The following PTP4A1 variants were observed in gnomAD, a reference collection of about 807,000 sequenced individuals.
The protein encoded by PTP4A1 is protein tyrosine phosphatase 4A1.
In PTP4A1, 9 loss-of-function variants were observed where a neutral mutation model predicts 20.5. That is an observed-to-expected ratio of 0.44 (90% confidence interval 0.26 to 0.77). The LOEUF (loss-of-function observed/expected upper bound fraction) is 0.77. PTP4A1 is among the 30% of genes least tolerant of loss of function. The pLI is 0.19. For missense variants in PTP4A1, 137 were observed against 218.8 expected (o/e 0.63, Z 2.36); for synonymous variants, 78 against 67.4 (o/e 1.16, Z -0.77).
intron 2 of PTP4A1, among the ~76,000 whole-genome samples, chr6:63,547,733 G>A (rs1282693494): frequency 1.4e-5 from 2 of 145,098 alleles, no homozygotes; most frequent in African/African-American, 5.1e-5. Context: ...GGATGGTCTC[G>A]ATCTCCTGAC....
In PTP4A1 at chr6:63,581,067, TC is replaced by T. The variant is rs1318433197; in HGVS notation, c.*895del. 2 of 152,164 alleles carry T rather than the reference TC, an allele frequency of 1.3e-5. No individual in the cohort carries two copies. The highest frequency in any genetic ancestry group is 4.8e-5 in the African/African-American group (2 of 41,428). The allele number at this position is 152,164 out of a possible 1,614,324, so 9.4% of individuals were successfully genotyped here. A position where few individuals can be genotyped will look rare whatever the true frequency, so the allele number is the denominator to read the frequency against. ...TGCTTTGTTATTGTAATCATAAACTTCCTGAAATTCTTGTAATTTTTTTCCC... is the reference window on the plus strand; with the variant it reads ...TGCTTTGTTATTGTAATCATAAACTTCTGAAATTCTTGTAATTTTTTTCCC... On this transcript the variant is annotated 3_prime_UTR_variant, in exon 6 of 6. Transcript: ENST00000626021.
intron 3 of PTP4A1, among the ~76,000 whole-genome samples, chr6:63,565,993 C>T (rs1777174880): frequency 6.6e-6 from 1 of 152,218 alleles, no homozygotes; most frequent in East Asian, 1.9e-4. Context: ...CACAATAAAA[C>T]AGGTATTACA....
At chr6:63,524,931 A>AT (rs1226741852) in intron 1 of PTP4A1, among the ~76,000 whole-genome samples, 2 of 152,224 alleles carry the variant, frequency 1.3e-5, no homozygotes, top group African/African-American at 2.4e-5. Flanking sequence ...TCATATAAGC[A>AT]TTTTTTATGA....
At chr6:63,529,163 GTA>G (rs67954410) in intron 2 of PTP4A1, among the ~76,000 whole-genome samples, 63,066 of 136,912 alleles carry the variant, frequency 0.46, 15,554 homozygotes, top group African/African-American at 0.54. Context: ...ATATATGTGT[GTA>G]TATATATATA....
chr6:63,570,121 T>C (rs187908492), upstream of PTP4A1, among the ~76,000 whole-genome samples: 93 of 152,318 alleles, frequency 6.1e-4, no homozygotes, highest in Non-Finnish European at 1.2e-3. Context: ...GGCAGATCTC[T>C]TGAGGTCAGG....
chr6:63,579,478 T>C (rs1404941020), intron 5 of PTP4A1, 147 bp downstream of exon 5: 1 of 565,670 alleles, frequency 1.8e-6, no homozygotes, highest in African/African-American at 2.0e-5. Flanking sequence ...TTACATTCTT[T>C]TTTGCATTTC....
At chr6:63,541,876 G>A (rs868707886) in intron 2 of PTP4A1, among the ~76,000 whole-genome samples, 1 of 152,044 alleles carries the variant, frequency 6.6e-6, no homozygotes, top group African/African-American at 2.4e-5. Flanking sequence ...TCTGTACTAT[G>A]TCATTTCCAT....
upstream of PTP4A1, among the ~76,000 whole-genome samples, chr6:63,569,666 G>A (rs2627797): frequency 0.048 from 7,253 of 152,304 alleles, 410 homozygotes; most frequent in African/African-American, 0.14. Flanking sequence ...TGAGGTTAAG[G>A]ACACATGTTT....
chr6:63,544,257 C>T (rs1776096418), intron 2 of PTP4A1, among the ~76,000 whole-genome samples: 1 of 152,154 alleles, frequency 6.6e-6, no homozygotes, highest in African/African-American at 2.4e-5. Flanking sequence ...AGAATTCCTG[C>T]CTATTTTCAC....
intron 1 of PTP4A1, among the ~76,000 whole-genome samples, chr6:63,525,966 T>C (rs1197904): frequency 0.49 from 73,712 of 151,938 alleles, 18,449 homozygotes; most frequent in African/African-American, 0.6. Flanking sequence ...TGTTTAAACC[T>C]TCTTTCGGTA....
upstream of PTP4A1, chr6:63,572,310 C>CA (rs1777481106): frequency 4.4e-6 from 1 of 227,378 alleles, no homozygotes. Flanking sequence ...GGCGCTTAGC[C>CA]ATTCATCAAC....
In PTP4A1 at chr6:63,578,977, G is replaced by A. The variant is rs773307144; in HGVS notation, c.278G>A (p.Arg93His). Residue 93 changes from arginine to histidine, a missense_variant, in exon 4 of 6, where the codon CGT becomes CAT. By Grantham distance (29) the Arg-to-His change is conservative. Coordinates refer to ENST00000626021, the MANE Select transcript of PTP4A1 (RefSeq NM_003463.5). The part of the protein sequence containing the change: ...DWLSLVKIKF[R>H]EEPGCCIAVH... ...TTAAGTCTTGTGAAAATTAAGTTTC[G>A]TGAAGAACCTGGTTGTTGTATTGCT... 9.3e-6 allele frequency: 15 copies of A among 1,607,604 alleles called. No homozygotes were observed. In the East Asian group the frequency reaches 1.3e-4, roughly 14 times the overall value.
At chr6:63,539,512 T>C (rs1438886090) in intron 2 of PTP4A1, among the ~76,000 whole-genome samples, 2 of 152,160 alleles carry the variant, frequency 1.3e-5, no homozygotes, top group African/African-American at 4.8e-5. Flanking sequence ...GTGTGTTGGC[T>C]CACTCCTGTA....
chr6:63,552,816 G>C (rs1006695607), intron 3 of PTP4A1, among the ~76,000 whole-genome samples: 2 of 152,038 alleles, frequency 1.3e-5, no homozygotes, highest in Non-Finnish European at 1.5e-5. Flanking sequence ...TCTTGTTTTT[G>C]TCAGGTTTGT....
In PTP4A1 at chr6:63,563,563, A is replaced by G. The variant is rs570246783; in HGVS notation, c.-445-12873A>G. Among the ~76,000 whole-genome samples, 7 of 152,342 alleles carry G rather than the reference A, an allele frequency of 4.6e-5. No individual in the cohort carries two copies. In the East Asian group the frequency reaches 1.3e-3, roughly 29 times the overall value. On this transcript the variant is annotated intron_variant, in intron 3 of 3. Transcript: ENST00000639568. Reference sequence around the variant, plus strand: ...ACCTCCTTCACAGCACAGATTATAAATATATTCTATGCTTATTTACTTGTT... The same window carrying G: ...ACCTCCTTCACAGCACAGATTATAAGTATATTCTATGCTTATTTACTTGTT...
chr6:63,569,212 C>T (rs774811240), upstream of PTP4A1, among the ~76,000 whole-genome samples: 2 of 152,196 alleles, frequency 1.3e-5, no homozygotes, highest in Non-Finnish European at 2.9e-5. Flanking sequence ...TCTTCCTCTG[C>T]ACTCTTGCCT....
intron 3 of PTP4A1, among the ~76,000 whole-genome samples, chr6:63,557,527 C>T (rs1195867044): frequency 6.6e-6 from 1 of 152,074 alleles, no homozygotes; most frequent in Non-Finnish European, 1.5e-5. Flanking sequence ...GATCGCACCA[C>T]TACACTCCAG....
upstream of PTP4A1, among the ~76,000 whole-genome samples, chr6:63,521,343 A>G (rs564131847): frequency 6.6e-5 from 10 of 152,356 alleles, no homozygotes; most frequent in East Asian, 1.9e-3. Flanking sequence ...GTGAGTCAAC[A>G]TCATTGTTTA....
chr6:63,522,775 T>C (rs1315434961), intron 1 of PTP4A1, among the ~76,000 whole-genome samples: 2 of 152,130 alleles, frequency 1.3e-5, no homozygotes, highest in Non-Finnish European at 2.9e-5. Context: ...CCATGGAAGA[T>C]TCAGTGCAAT....
Sources: gnomAD v4.1 joint callset for allele counts (sites outside exome capture counted in the v4.1 genomes callset) on GRCh38, gnomAD v4.1.1 for gene constraint, MANE v1.5 for transcripts, NCBI Gene and HGNC (gene_info 2026-07-23, HGNC 2026-07-21) for gene names.